Variants in COMMD1 observed in about 807,000 individuals in gnomAD.
The protein encoded by COMMD1 is COMM domain-containing protein 1.
In COMMD1, 10 loss-of-function variants were observed where a neutral mutation model predicts 17.2. The observed-to-expected ratio is 0.58, with a 90% CI of 0.36 to 0.99. COMMD1 has a LOEUF of 0.99. Ranked by LOEUF, COMMD1 falls within the 50% of genes least tolerant of loss-of-function variation. The pLI is 0.01. For synonymous variants in COMMD1, 97 were observed against 91.6 expected (o/e 1.06, Z -0.34); for missense variants, 270 against 231.8 (o/e 1.17, Z -1.07).
At chr2:61,905,545 C>A, upstream of COMMD1, 1 of 827,314 alleles carries the variant, frequency 1.2e-6, no homozygotes, top group Non-Finnish European at 1.8e-6. Flanking sequence ...GCTGCCAACT[C>A]TGACCCCTGG....
chr2:62,105,595 G>A (rs922427138), intron 2 of COMMD1, among the ~76,000 whole-genome samples: 2 of 152,184 alleles, frequency 1.3e-5, no homozygotes, highest in Admixed American at 6.5e-5. Context: ...AGGCCAAGGC[G>A]AGTGGATCAC....
chr2:62,055,004 T>G (rs979453898), intron 2 of COMMD1, among the ~76,000 whole-genome samples: 1 of 152,168 alleles, frequency 6.6e-6, no homozygotes, highest in African/African-American at 2.4e-5. Flanking sequence ...CTACTAGCAC[T>G]GGGGAGCGGC....
chr2:62,095,779 A>C (rs888615131), intron 2 of COMMD1, among the ~76,000 whole-genome samples: 1 of 80,512 alleles, frequency 1.2e-5, no homozygotes, highest in Non-Finnish European at 2.5e-5. Flanking sequence ...AAAATGGTTT[A>C]TGTTGTGTAG....
intron 2 of COMMD1, among the ~76,000 whole-genome samples, chr2:62,056,061 T>C (rs1463697607): frequency 6.6e-6 from 1 of 152,208 alleles, no homozygotes; most frequent in Non-Finnish European, 1.5e-5. Flanking sequence ...ACGGAATTGG[T>C]CATTTTGTGT....
At chr2:61,999,587 G>A (rs1558555320) in intron 1 of COMMD1, among the ~76,000 whole-genome samples, 1 of 152,026 alleles carries the variant, frequency 6.6e-6, no homozygotes, top group Non-Finnish European at 1.5e-5. Context: ...TTATTCTTTT[G>A]TTTTATTGTT....
chr2:62,003,641 C>CA (rs1553378178), intron 2 of COMMD1, among the ~76,000 whole-genome samples: 2 of 149,118 alleles, frequency 1.3e-5, no homozygotes, highest in African/African-American at 2.5e-5. Context: ...CACACACACA[C>CA]CCAACAGATT....
intron 1 of COMMD1, among the ~76,000 whole-genome samples, chr2:61,924,587 G>T (rs1670279739): frequency 6.6e-6 from 1 of 152,142 alleles, no homozygotes; most frequent in African/African-American, 2.4e-5. Context: ...AATTTGGAAA[G>T]TAGAACCAGA....
chr2:61,940,195 C>T (rs937234324), intron 1 of COMMD1, among the ~76,000 whole-genome samples: 4 of 152,114 alleles, frequency 2.6e-5, no homozygotes, highest in Non-Finnish European at 5.9e-5. Flanking sequence ...CAGCTTCTCC[C>T]CTATATTTTG....
intron 1 of COMMD1, among the ~76,000 whole-genome samples, chr2:61,962,252 C>A (rs2103697662): frequency 1.3e-5 from 2 of 152,264 alleles, no homozygotes; most frequent in South Asian, 4.2e-4. Flanking sequence ...AGTCCTGCTG[C>A]CAGTGTTCTT....
chr2:61,935,577 G>A (rs766966940), intron 1 of COMMD1, among the ~76,000 whole-genome samples: 1 of 147,234 alleles, frequency 6.8e-6, no homozygotes, highest in Non-Finnish European at 1.5e-5. Flanking sequence ...GCAGTGAGCC[G>A]ACCGAGATCA....
At chr2:61,918,914 A>C (rs997465628) in intron 1 of COMMD1, among the ~76,000 whole-genome samples, 2 of 152,206 alleles carry the variant, frequency 1.3e-5, no homozygotes, top group African/African-American at 4.8e-5. Flanking sequence ...TATGTGGTTC[A>C]TCTTTGACAA....
intron 2 of COMMD1, among the ~76,000 whole-genome samples, chr2:62,015,600 C>T (rs1669418038): frequency 6.6e-6 from 1 of 151,208 alleles, no homozygotes; most frequent in Non-Finnish European, 1.5e-5. Flanking sequence ...AACTGACAAA[C>T]TATTTTCTAC....
intron 2 of COMMD1, among the ~76,000 whole-genome samples, chr2:62,061,975 C>T (rs1233754880): frequency 8.7e-6 from 1 of 115,246 alleles, no homozygotes; most frequent in African/African-American, 3.6e-5. Context: ...AGTGAATAGA[C>T]AGTTACAGCA....
intron 1 of COMMD1, among the ~76,000 whole-genome samples, chr2:61,936,485 T>G (rs977373405): frequency 9.2e-5 from 14 of 152,234 alleles, no homozygotes; most frequent in Non-Finnish European, 2.1e-4. Flanking sequence ...CAAGGAAATT[T>G]GGTCATTTCT....
chr2:62,073,306 A>C (rs1375852), intron 2 of COMMD1, among the ~76,000 whole-genome samples: 123,041 of 152,128 alleles, frequency 0.81, 50,402 homozygotes, highest in African/African-American at 0.95. Flanking sequence ...GAGTCTGATG[A>C]CTTTAAGTTC....
At chr2:61,896,196 C>T (rs1669545389) in intron 1 of COMMD1, among the ~76,000 whole-genome samples, 1 of 152,210 alleles carries the variant, frequency 6.6e-6, no homozygotes, top group Non-Finnish European at 1.5e-5. Flanking sequence ...CTCCAAAATT[C>T]ATGTGTTGGA....
intron 2 of COMMD1, among the ~76,000 whole-genome samples, chr2:62,099,670 A>G (rs1002178256): frequency 8.6e-5 from 13 of 151,900 alleles, no homozygotes; most frequent in Admixed American, 2.6e-4. Flanking sequence ...CAGTGTTTCA[A>G]CACTGAGTCG....
chr2:61,945,460 G>T (rs1364109442), intron 1 of COMMD1, among the ~76,000 whole-genome samples: 1 of 152,212 alleles, frequency 6.6e-6, no homozygotes, highest in East Asian at 1.9e-4. Context: ...AGTAAAGATA[G>T]ATCAAGCTGG....
At chr2:61,891,390 G>C (rs184218716) in intron 1 of COMMD1, among the ~76,000 whole-genome samples, 1 of 152,308 alleles carries the variant, frequency 6.6e-6, no homozygotes, top group East Asian at 1.9e-4. Flanking sequence ...GCTTTCATCA[G>C]AGTGTTAATG....
Sources: allele counts gnomAD v4.1 joint callset (sites outside exome capture counted in the v4.1 genomes callset), GRCh38; gene constraint gnomAD v4.1.1; transcripts MANE v1.5; gene names NCBI Gene and HGNC (gene_info 2026-07-23, HGNC 2026-07-21).